The following BTD variants were observed in gnomAD, a reference collection of about 807,000 sequenced individuals.
The protein encoded by BTD is biotinidase.
Under a neutral mutation model 17.7 loss-of-function variants are expected in BTD, and 13 were observed. The ratio of observed to expected loss-of-function variants is 0.74; its 90% CI spans 0.48 to 1.17. The LOEUF (loss-of-function observed/expected upper bound fraction) is 1.17. Among genes scored for constraint, BTD ranks in the 50% most tolerant of loss-of-function variants. The probability of loss-of-function intolerance (pLI) is 0.00; values close to 1 mark genes in which losing one functional copy is unlikely to be tolerated. For synonymous variants in BTD, 240 were observed against 245.2 expected, an observed-to-expected ratio of 0.98 and a Z score of 0.20; for missense variants, 674 against 650.4, an observed-to-expected ratio of 1.04 and a Z score of -0.39.
intron 1 of BTD, chr3:15,606,337 G>C (rs1054425974): frequency 1.3e-5 from 2 of 152,206 alleles, no homozygotes; most frequent in African/African-American, 4.8e-5. Context: ...GCAGCCCAGA[G>C]TTGAGAACCC....
chr3:15,711,835 C>T (rs1393938690), exon 4 of BTD, among the ~76,000 whole-genome samples: 3 of 150,830 alleles, frequency 2.0e-5, no homozygotes, highest in Non-Finnish European at 1.5e-5. Context: ...TACAGGTGCT[C>T]ACCACCACGC....
rs2064280979 is a variant in BTD at position 15,602,173 on chromosome 3, G to A, written c.-17+279G>A. 5.0e-6 allele frequency: 7 copies of A among 1,408,320 alleles called. No homozygotes were observed. In the East Asian group the frequency reaches 1.3e-4, roughly 26 times the overall value. The allele number at this position is 1,408,320 out of a possible 1,614,324, so 87.2% of individuals were successfully genotyped here. On this transcript the variant is annotated intron_variant, in intron 1 of 3. Coordinates refer to ENST00000643237, the MANE Select transcript of BTD (RefSeq NM_001370658.1). ...TTGTAGCGCACGTTACTTAAATCCAGAAGCAGATGTGTACCCCAGCAAGAG... is the reference window on the plus strand; with the variant it reads ...TTGTAGCGCACGTTACTTAAATCCAAAAGCAGATGTGTACCCCAGCAAGAG...
At chr3:15,709,698 G>T in intron 3 of BTD, 1 of 1,584,550 alleles carries the variant, frequency 6.3e-7, no homozygotes. Flanking sequence ...ATTAAAGTCT[G>T]CACCAGTATT....
At chr3:15,693,199 C>T (rs2069029474) in intron 3 of BTD, among the ~76,000 whole-genome samples, 1 of 152,132 alleles carries the variant, frequency 6.6e-6, no homozygotes, top group Non-Finnish European at 1.5e-5. Context: ...TGTAAATATA[C>T]TTAACACTGC....
chr3:15,631,247 C>T (rs2065196672), intron 1 of BTD, among the ~76,000 whole-genome samples: 1 of 152,204 alleles, frequency 6.6e-6, no homozygotes, highest in Non-Finnish European at 1.5e-5. Context: ...ATCTCCTCTG[C>T]CAACTTTTCC....
chr3:15,622,970 A>G (rs896552147), intron 1 of BTD, among the ~76,000 whole-genome samples: 2 of 152,378 alleles, frequency 1.3e-5, no homozygotes, highest in African/African-American at 4.8e-5. Context: ...ATGGACTCAC[A>G]GTTCCACATG....
downstream of BTD, chr3:15,714,658 TG>T (rs756256663): frequency 2.1e-4 from 328 of 1,571,608 alleles, no homozygotes; most frequent in Admixed American, 6.0e-4. Flanking sequence ...ATCTTTACTC[TG>T]GGGGGGGAAG....
At chr3:15,632,642 T>C (rs2065241032) in intron 1 of BTD, 1 of 152,248 alleles carries the variant, frequency 6.6e-6, no homozygotes, top group Non-Finnish European at 1.5e-5. Flanking sequence ...AAGAACCCCA[T>C]GACTTCCAGG....
In BTD at chr3:15,649,244, C is replaced by T. The variant is rs1427104002; in HGVS notation, c.*3756C>T. ...TTCCATAGGGATAGCTGAGTGTCCT[C>T]ATGATGTGGCCCCTGGCTTCCCCTG... On this transcript the variant is annotated 3_prime_UTR_variant, in exon 4 of 4. Coordinates refer to ENST00000643237, the MANE Select transcript of BTD (RefSeq NM_001370658.1). Among the ~76,000 whole-genome samples, 1 of 152,204 alleles carries T rather than the reference C, an allele frequency of 6.6e-6. No homozygotes were observed. Among genetic ancestry groups the T allele is most frequent in the African/African-American group, 2.4e-5 (1 of 41,436 alleles).
chr3:15,699,904 T>C (rs908255771), intron 3 of BTD, among the ~76,000 whole-genome samples: 1 of 152,248 alleles, frequency 6.6e-6, no homozygotes, highest in African/African-American at 2.4e-5. Flanking sequence ...CAAAGGATTA[T>C]AAATCATGCT....
chr3:15,603,112 A>T (rs933791265), intron 1 of BTD, among the ~76,000 whole-genome samples: 5 of 152,104 alleles, frequency 3.3e-5, no homozygotes, highest in African/African-American at 1.2e-4. Flanking sequence ...GTTACTTCCC[A>T]CTGGGTCCCT....
rs747945967 is a variant in BTD at position 15,635,562 on chromosome 3, C to T, written c.123C>T (p.Ala41=). The T allele has an allele frequency of 6.1e-5, 98 of 1,614,136 alleles. No individual in the cohort carries two copies. The highest frequency in any genetic ancestry group is 1.6e-4 in the Middle Eastern group (1 of 6,062). ...ACGAGGCTGAATATTATGTGGCTGC[C>T]GTGTATGAGCATCCATCCATCCTGA... The part of the protein sequence containing the change: ...DHHEAEYYVA[A]VYEHPSILSL... Residue 41 remains alanine, a synonymous_variant, in exon 2 of 4, where the codon GCC becomes GCT. Transcript: ENST00000643237. This position sits in a 1 kb window ranked among gnomAD's most constrained non-coding sequence, Gnocchi z 4.1.
At chr3:15,637,684 A>G (rs570603463) in intron 2 of BTD, among the ~76,000 whole-genome samples, 1 of 152,354 alleles carries the variant, frequency 6.6e-6, no homozygotes, top group South Asian at 2.1e-4. Context: ...GAGGGCAGGC[A>G]TTCTCTTGAT....
At chr3:15,688,611 A>C (rs2068425783) in intron 3 of BTD, among the ~76,000 whole-genome samples, 1 of 152,336 alleles carries the variant, frequency 6.6e-6, no homozygotes, top group South Asian at 2.1e-4. Context: ...TGGGAGTAAC[A>C]GTGGGTGTTA....
chr3:15,637,737 G>A (rs185836187), intron 2 of BTD, among the ~76,000 whole-genome samples: 3 of 152,314 alleles, frequency 2.0e-5, no homozygotes, highest in Admixed American at 6.5e-5. Flanking sequence ...CACCTGAAAT[G>A]TCATCTGCCT....
At chr3:15,616,884 G>C (rs956849621) in intron 1 of BTD, among the ~76,000 whole-genome samples, 2 of 152,042 alleles carry the variant, frequency 1.3e-5, no homozygotes, top group African/African-American at 2.4e-5. Context: ...CCAGGCTGGA[G>C]TGCAGTGGTG....
chr3:15,613,631 T>C (rs1296280453), intron 1 of BTD, among the ~76,000 whole-genome samples: 1 of 152,132 alleles, frequency 6.6e-6, no homozygotes, highest in Non-Finnish European at 1.5e-5. Flanking sequence ...ATAAGCAGTT[T>C]TTTTTCACTC....
At chr3:15,604,677 C>T (rs1267187418) in intron 1 of BTD, among the ~76,000 whole-genome samples, 1 of 152,196 alleles carries the variant, frequency 6.6e-6, no homozygotes, top group African/African-American at 2.4e-5. Flanking sequence ...TCTGCTTCCT[C>T]TGGAACACTT....
chr3:15,679,559 G>A (rs192618777), intron 3 of BTD: 99 of 1,609,808 alleles, frequency 6.1e-5, no homozygotes, highest in African/African-American at 2.7e-4. Context: ...CACATGTCTC[G>A]TGACCTAAAT....
Sources: allele counts gnomAD v4.1 joint callset (sites outside exome capture counted in the v4.1 genomes callset), GRCh38; gene constraint gnomAD v4.1.1; non-coding constraint Gnocchi (gnomAD v3.1); transcripts MANE v1.5; gene names NCBI Gene and HGNC (gene_info 2026-07-23, HGNC 2026-07-21).